MTCH1: variants seen among roughly 807,000 people sequenced by gnomAD.
MTCH1 encodes the protein mitochondrial carrier homolog 1.
Under a neutral mutation model 49.3 loss-of-function variants are expected in MTCH1, and 23 were observed. The ratio of observed to expected loss-of-function variants is 0.47; its 90% CI spans 0.34 to 0.66. MTCH1 has a LOEUF of 0.66. Ranked by LOEUF, MTCH1 falls within the 30% of genes least tolerant of loss-of-function variation. The probability of loss-of-function intolerance (pLI) is 0.01; values close to 1 mark genes in which losing one functional copy is unlikely to be tolerated. For missense variants in MTCH1, 397 were observed against 532.1 expected (o/e 0.75, Z 2.50); for synonymous variants, 229 against 215.2 (o/e 1.06, Z -0.56).
intron 7 of MTCH1, among the ~76,000 whole-genome samples, chr6:36,974,033 G>T (rs1422459878): frequency 6.6e-6 from 1 of 152,166 alleles, no homozygotes; most frequent in African/African-American, 2.4e-5. Flanking sequence ...CTGTTTTAAG[G>T]TCTAGGCGGT....
chr6:36,973,807 G>A (rs552156161), intron 7 of MTCH1, among the ~76,000 whole-genome samples: 1 of 152,364 alleles, frequency 6.6e-6, no homozygotes, highest in South Asian at 2.1e-4. Flanking sequence ...CAAGATGGGT[G>A]GCTGTTTCTG....
At position 36,972,778 on chromosome 6, in the gene MTCH1, G is replaced by A. The variant is rs1180431900; in HGVS notation, c.780C>T (p.Leu260=). The part of the protein sequence containing the change: ...LGFFVGLIPH[L]LGDVVFLWGC... Reference sequence around the variant, plus strand: ...CCCACAAGAAAACCACATCGCCCAGGAGGTGAGGGATTAATCCACTAAAAA... The same window carrying A: ...CCCACAAGAAAACCACATCGCCCAGAAGGTGAGGGATTAATCCACTAAAAA... The change falls in exon 8 of 12, where the codon CTC becomes CTT. Residue 260 remains leucine, a synonymous_variant. Coordinates refer to ENST00000373627, the MANE Select transcript of MTCH1 (RefSeq NM_001271641.2). The surrounding 1 kb of genome is among the most constrained non-coding windows in gnomAD (Gnocchi z 4.1). 12 of 1,552,026 alleles carry A rather than the reference G, an allele frequency of 7.7e-6. No individual in the cohort carries two copies. In the Admixed American group the frequency reaches 1.6e-4, roughly 20 times the overall value.
At position 36,985,973 on chromosome 6, in the gene MTCH1, G is replaced by A. The variant is rs1244677023; in HGVS notation, c.201C>T (p.Gly67=). 6 of 1,547,400 alleles carry A rather than the reference G, an allele frequency of 3.9e-6. No homozygotes were observed. Among genetic ancestry groups the A allele is most frequent in the East Asian group, 2.5e-5 (1 of 40,414 alleles). Residue 67 remains glycine, a synonymous_variant, in exon 1 of 12, where the codon GGC becomes GGT. Transcript: ENST00000373627. The stretch of plus-strand genomic sequence containing the variant: ...CCCCAGACCCCAGGCCCCCTGACCC[G>A]CCATCCATCCTGCGGGCCGAGGGCT... ...AAQPSARRMD[G]GSGGLGSGDN... is the part of the protein sequence containing the mutation.
Position 36,982,514 on chromosome 6 carries a change from A to C in MTCH1, c.322-842T>G, listed in dbSNP as rs1764135183. The stretch of plus-strand genomic sequence containing the variant: ...GTGATTCTCCTACCCCAGCCTCCCA[A>C]GTAGCTGGGAATACAAGCACCCGCC... On this transcript the variant is annotated intron_variant, in intron 1 of 11. Transcript: ENST00000373627. This position sits in a 1 kb window ranked among gnomAD's most constrained non-coding sequence, Gnocchi z 4.1. 6.6e-6 allele frequency among the ~76,000 whole-genome samples: 1 copy of C among 151,820 alleles called. No individual in the cohort carries two copies. The highest frequency in any genetic ancestry group is 2.4e-5 in the African/African-American group (1 of 41,254).
chr6:36,975,804 C>T lies in MTCH1; in HGVS notation c.702-87G>A. ...TGGTGTGGGGCTGAGCCCACCAGTT[C>T]TGCTCAAATCCAGCCAGTCCTGGCA... On this transcript the variant is annotated intron_variant, in intron 6 of 11. Transcript: ENST00000373627. 2.5e-6 allele frequency: 3 copies of T among 1,220,716 alleles called. No homozygotes were observed. In the East Asian group the frequency reaches 7.1e-5, roughly 29 times the overall value. The allele number at this position is 1,220,716 out of a possible 1,614,324, so 75.6% of individuals were successfully genotyped here. A position where few individuals can be genotyped will look rare whatever the true frequency, so the allele number is the denominator to read the frequency against.
At chr6:36,979,965 G>A (rs190670792) in intron 2 of MTCH1, among the ~76,000 whole-genome samples, 1 of 152,270 alleles carries the variant, frequency 6.6e-6, no homozygotes, top group Non-Finnish European at 1.5e-5. Flanking sequence ...CCTCATTCTG[G>A]GTCTTTCTGC....
Position 36,968,807 on chromosome 6 carries a change from T to G in MTCH1, c.*96A>C. ...CCCGGCTGGGCTGGAGCACATCTGG[T>G]TGTTGTTGGGTTGGAGTCGTCTTGC... is the stretch of plus-strand genomic sequence containing the variant. On this transcript the variant is annotated 3_prime_UTR_variant, in exon 12 of 12. Transcript: ENST00000373627. 9 of 1,543,730 alleles carry G rather than the reference T, an allele frequency of 5.8e-6. No homozygotes were observed. The highest frequency in any genetic ancestry group is 1.7e-5 in the Admixed American group (1 of 58,130).
Position 36,968,820 on chromosome 6 carries a change from G to A in MTCH1, c.*83C>T, listed in dbSNP as rs138282989. On this transcript the variant is annotated 3_prime_UTR_variant, in exon 12 of 12. Transcript: ENST00000373627. Reference sequence around the variant, plus strand: ...GAGCACATCTGGTTGTTGTTGGGTTGGAGTCGTCTTGCAGGTGTCCCAAGG... The same window carrying A: ...GAGCACATCTGGTTGTTGTTGGGTTAGAGTCGTCTTGCAGGTGTCCCAAGG... 3.1e-6 allele frequency: 5 copies of A among 1,590,954 alleles called. No individual in the cohort carries two copies. The African/African-American group carries it at 5.4e-5, about 17-fold the overall frequency.
intron 1 of MTCH1, among the ~76,000 whole-genome samples, chr6:36,983,895 G>GC (rs1764197384): frequency 6.6e-6 from 1 of 152,114 alleles, no homozygotes; most frequent in African/African-American, 2.4e-5. Context: ...CTCAACACCA[G>GC]CTGGGTTCAA....
Position 36,968,857 on chromosome 6 carries a change from C to T in MTCH1, c.*46G>A, listed in dbSNP as rs1184622981. On this transcript the variant is annotated 3_prime_UTR_variant, in exon 12 of 12. Transcript: ENST00000373627. ...CAGGTGTCCCAAGGTGGTCAGGCCTCACCCACGGTGGCCAGGTTGAGACCG... is the reference window on the plus strand; with the variant it reads ...CAGGTGTCCCAAGGTGGTCAGGCCTTACCCACGGTGGCCAGGTTGAGACCG... 2 of 1,613,102 alleles carry T rather than the reference C, an allele frequency of 1.2e-6. No homozygotes were observed. The highest frequency in any genetic ancestry group is 1.7e-6 in the Non-Finnish European group (2 of 1,179,330).
At chr6:36,980,721 G>A (rs1316113177) in intron 2 of MTCH1, among the ~76,000 whole-genome samples, 2 of 152,224 alleles carry the variant, frequency 1.3e-5, no homozygotes, top group Non-Finnish European at 2.9e-5. Flanking sequence ...TAAGAGCAGA[G>A]GTGCAGGAAA....
chr6:36,977,728 G>A lies in MTCH1; in HGVS notation c.592-37C>T, dbSNP rs775234377. ...CATGGGGTGGGGACTCGCCACCCTC[G>A]GCCTGTCTCTGGAACTGGCCCTCGA... On this transcript the variant is annotated intron_variant, in intron 4 of 11. Coordinates refer to ENST00000373627, the MANE Select transcript of MTCH1 (RefSeq NM_001271641.2). This position sits in a 1 kb window ranked among gnomAD's most constrained non-coding sequence, Gnocchi z 5.4. The A allele has an allele frequency of 2.7e-5, 43 of 1,565,942 alleles. No homozygotes were observed. Among genetic ancestry groups the A allele is most frequent in the South Asian group, 8.1e-5 (7 of 86,258 alleles).
rs1266617949 is a variant in MTCH1 at position 36,978,626 on chromosome 6, A to G, written c.407-15T>C. The G allele has an allele frequency of 9.9e-6, 16 of 1,611,762 alleles. No homozygotes were observed. The highest frequency in any genetic ancestry group is 1.4e-5 in the Non-Finnish European group (16 of 1,178,358). On this transcript the variant is annotated splice_polypyrimidine_tract_variant and intron_variant, in intron 2 of 11. Transcript: ENST00000373627. ...GATGTACTTGGCTGTAAGAAAACAG[A>G]GGTGGCAGAGGAGTCACACCCAGTT...
rs1410893491 is a variant in MTCH1, at chr6:36,981,642, C to T, written c.352G>A (p.Gly118Arg). 2.5e-6 allele frequency: 4 copies of T among 1,613,790 alleles called. No individual in the cohort carries two copies. The highest frequency in any genetic ancestry group is 3.4e-6 in the Non-Finnish European group (4 of 1,179,864). Residue 118 changes from glycine (G) to arginine (R), a missense_variant, in exon 2 of 12, where the codon GGG becomes AGG. Gly to Arg is a moderately radical substitution (Grantham distance 125). Around this residue, in one of 2 missense-constraint regions of MTCH1, gnomAD observed 252 missense variants for 388.3 expected, o/e 0.65. Transcript: ENST00000373627. ...ACCTTCCTCCCCAGCACATTGGTCC[C>T]AAGGGTGGGGGGCATCGGCTCATGA... ...VGHEPMPPTLGTNVLGRKVLY... is the reference protein window; with the variant it reads ...VGHEPMPPTLRTNVLGRKVLY...
chr6:36,984,758 C>T (rs1482871125), intron 1 of MTCH1, among the ~76,000 whole-genome samples: 1 of 152,128 alleles, frequency 6.6e-6, no homozygotes, highest in Non-Finnish European at 1.5e-5. Context: ...GCATTGCTGG[C>T]CACCACCAAA....
At chr6:36,973,965 A>G (rs1419071735) in intron 7 of MTCH1, among the ~76,000 whole-genome samples, 1 of 152,238 alleles carries the variant, frequency 6.6e-6, no homozygotes, top group Non-Finnish European at 1.5e-5. Context: ...TATGTTCAGA[A>G]AGAATAAAGC....
intron 1 of MTCH1, among the ~76,000 whole-genome samples, 188 bp from the exon 2 acceptor site, chr6:36,981,860 G>A (rs1401844727): frequency 1.3e-5 from 2 of 152,100 alleles, no homozygotes; most frequent in African/African-American, 2.4e-5. Context: ...TTGGCAGCAC[G>A]TAAACTCCCA....
rs16889347 is a variant in MTCH1 at position 36,978,005 on chromosome 6, C to T, written c.591+73G>A. ...CCAACTCTTCGACTTGTCAATGACC[C>T]GCCCAACTTGGGGGTGAGAAATCAT... is the stretch of plus-strand genomic sequence containing the variant. On this transcript the variant is annotated intron_variant, in intron 4 of 11. Coordinates refer to ENST00000373627, the MANE Select transcript of MTCH1 (RefSeq NM_001271641.2). The T allele has an allele frequency of 0.098, 133,196 of 1,362,264 alleles. 8,228 individuals are homozygous for T. Among genetic ancestry groups the T allele is most frequent in the African/African-American group, 0.23 (15,794 of 69,546 alleles). 84.4% of individuals were successfully genotyped at this position (1,362,264 alleles called of 1,614,324 possible). A position where few individuals can be genotyped will look rare whatever the true frequency, so the allele number is the denominator to read the frequency against.
rs552431195 is a variant in MTCH1 at position 36,982,900 on chromosome 6, G to A, written c.322-1228C>T. Among the ~76,000 whole-genome samples the A allele has an allele frequency of 2.6e-4, 39 of 152,352 alleles. No homozygotes were observed. Among genetic ancestry groups the A allele is most frequent in the African/African-American group, 8.9e-4 (37 of 41,584 alleles). On this transcript the variant is annotated intron_variant, in intron 1 of 11. Transcript: ENST00000373627. This position sits in a 1 kb window ranked among gnomAD's most constrained non-coding sequence, Gnocchi z 4.1. ...TGTGCCCTCTAAGCAGGCCAGCTGG[G>A]CCCATGGACCAGAGCGATTCCTCTG...
Sources: allele counts gnomAD v4.1 joint callset (sites outside exome capture counted in the v4.1 genomes callset), GRCh38; gene constraint gnomAD v4.1.1; regional missense constraint gnomAD v4.1.1; non-coding constraint Gnocchi (gnomAD v3.1); transcripts MANE v1.5; gene names NCBI Gene and HGNC (gene_info 2026-07-23, HGNC 2026-07-21).